Variants in PTCH1 observed in about 807,000 individuals in gnomAD.
The protein encoded by PTCH1 is patched 1.
A neutral mutation model predicts 144.6 loss-of-function variants in PTCH1; 14 were observed. That is an observed-to-expected ratio of 0.10 (90% CI 0.06 to 0.15). PTCH1 has a LOEUF of 0.15. Among genes scored for constraint, PTCH1 ranks in the 10% least tolerant of loss-of-function variants. The pLI, the probability that PTCH1 is intolerant of heterozygous loss-of-function variation, is 1.00. For missense variants in PTCH1, 1,623 were observed against 1,948.3 expected (o/e 0.83, Z 3.14); for synonymous variants, 833 against 793.6 (o/e 1.05, Z -0.83).
At chr9:95,448,142 C>T (rs1038381764) in intron 22 of PTCH1, among the ~76,000 whole-genome samples, 2 of 152,288 alleles carry the variant, frequency 1.3e-5, no homozygotes, top group African/African-American at 2.4e-5. Flanking sequence ...TCAAAAGGAC[C>T]GTGACCAACT....
At position 95,504,244 on chromosome 9, in the gene PTCH1, T is replaced by C. The variant is rs190216066; in HGVS notation, c.394+2163A>G. The stretch of plus-strand genomic sequence containing the variant: ...GCAAAGTGAGTGTGCCCCTCAGAAG[T>C]GTCCTCATCCAGTCCATTGAAAAAG... On this transcript the variant is annotated intron_variant, in intron 2 of 23. Coordinates refer to ENST00000331920, the MANE Select transcript of PTCH1 (RefSeq NM_000264.5). Among the ~76,000 whole-genome samples the C allele has an allele frequency of 1.5e-3, 233 of 152,088 alleles. 1 individual carries two copies. Among genetic ancestry groups the C allele is most frequent in the Non-Finnish European group, 2.6e-3 (177 of 67,976 alleles).
At chr9:95,498,136 CAT>C (rs1240520120) in intron 2 of PTCH1, among the ~76,000 whole-genome samples, 9 of 152,304 alleles carry the variant, frequency 5.9e-5, no homozygotes, top group East Asian at 3.9e-4. Context: ...TACTTTTATA[CAT>C]GTCTCATTAA....
intron 22 of PTCH1, among the ~76,000 whole-genome samples, chr9:95,448,325 T>C (rs1322054728): frequency 2.0e-5 from 3 of 152,294 alleles, no homozygotes; most frequent in Non-Finnish European, 2.9e-5. Flanking sequence ...GGAATACCCA[T>C]TTCCTGGAGG....
rs559827048 is a variant in PTCH1 at position 95,449,239 on chromosome 9, C to T, written c.3634G>A (p.Gly1212Ser). ...GAATCAGACCCGCTGTGCGTGTGGC[C>T]GGGCGGCATGGCGAAGCGGACCACG... is the stretch of plus-strand genomic sequence containing the variant. ...PSVVRFAMPPGHTHSGSDSSD... is the reference protein window; with the variant it reads ...PSVVRFAMPPSHTHSGSDSSD... The change falls in exon 22 of 24, where the codon GGC becomes AGC. Residue 1212 changes from glycine (G) to serine (S), a missense_variant. Gly to Ser is a moderately conservative substitution (Grantham distance 56, BLOSUM62 0). This residue lies in a region of PTCH1 where 504 missense variants were observed against 679.3 expected (regional missense o/e 0.74). Transcript: ENST00000331920. This position sits in a 1 kb window ranked among gnomAD's most constrained non-coding sequence, Gnocchi z 5.3. The T allele has an allele frequency of 1.2e-4, 191 of 1,584,884 alleles. 2 individuals are homozygous for T. In the South Asian group the frequency reaches 1.4e-3, roughly 12 times the overall value.
chr9:95,505,146 C>G (rs952974470), intron 2 of PTCH1, among the ~76,000 whole-genome samples: 2 of 152,172 alleles, frequency 1.3e-5, no homozygotes, highest in Non-Finnish European at 1.5e-5. Flanking sequence ...CCCAGGCTTG[C>G]AAAACTCTGC....
intron 7 of PTCH1, 150 bp from the exon 8 acceptor site, chr9:95,479,297 T>C: frequency 2.0e-6 from 2 of 1,021,994 alleles, no homozygotes; most frequent in East Asian, 2.5e-5. Flanking sequence ...GGGACCAGGA[T>C]GGTTATTTTA....
chr9:95,465,200 C>T (rs1454634295), intron 15 of PTCH1, among the ~76,000 whole-genome samples: 1 of 152,220 alleles, frequency 6.6e-6, no homozygotes, highest in African/African-American at 2.4e-5. Flanking sequence ...GACAATCCCC[C>T]TTTACCCCCT....
At chr9:95,469,589 A>C (rs1840373974) in intron 13 of PTCH1, among the ~76,000 whole-genome samples, 1 of 152,212 alleles carries the variant, frequency 6.6e-6, no homozygotes, top group South Asian at 2.1e-4. Flanking sequence ...CGGAACCAGC[A>C]TCTTGAGGGC....
rs552925002 is a variant in PTCH1, at chr9:95,508,082, T to A, written c.201+79A>T. The A allele has an allele frequency of 4.4e-6, 7 of 1,594,564 alleles. No homozygotes were observed. The African/African-American group carries it at 9.4e-5, about 21-fold the overall frequency. ...GTGAGAGAGAGAGGAAGAGAGTGTG[T>A]GTGTTTGTGTGTGGCGGGGGCGATC... On this transcript the variant is annotated intron_variant, in intron 1 of 23. Transcript: ENST00000331920.
chr9:95,486,345 A>G (rs559175162), intron 2 of PTCH1, among the ~76,000 whole-genome samples: 6 of 152,392 alleles, frequency 3.9e-5, no homozygotes, highest in Admixed American at 1.3e-4. Context: ...GAAACAAGGA[A>G]AGGTGGCCAG....
At chr9:95,506,293 G>C in intron 2 of PTCH1, 114 bp downstream of exon 2, 1 of 1,243,136 alleles carries the variant, frequency 8.0e-7, no homozygotes, top group Non-Finnish European at 1.1e-6. Context: ...CCCGGGTGCG[G>C]GCAGGGGGTT....
chr9:95,475,747 C>G (rs1407472581), intron 12 of PTCH1, among the ~76,000 whole-genome samples: 2 of 152,038 alleles, frequency 1.3e-5, no homozygotes, highest in Non-Finnish European at 2.9e-5. Context: ...TGGAGTAGCC[C>G]CGAAAGCCAT....
At chr9:95,489,756 G>C (rs962255858) in intron 2 of PTCH1, among the ~76,000 whole-genome samples, 2 of 151,708 alleles carry the variant, frequency 1.3e-5, no homozygotes, top group Admixed American at 1.3e-4. Context: ...GTAGGCATAG[G>C]GAACCAAGTT....
At chr9:95,463,938 A>G (rs1839769808) in intron 15 of PTCH1, among the ~76,000 whole-genome samples, 1 of 152,238 alleles carries the variant, frequency 6.6e-6, no homozygotes, top group Non-Finnish European at 1.5e-5. Flanking sequence ...GTTCAACTCC[A>G]GCATCAATAA....
chr9:95,507,899 T>G, intron 1 of PTCH1: 4 of 1,290,884 alleles, frequency 3.1e-6, no homozygotes, highest in East Asian at 3.3e-5. Flanking sequence ...AGGGAGGGCG[T>G]GTGTATACAC....
intron 15 of PTCH1, among the ~76,000 whole-genome samples, chr9:95,463,179 T>C (rs1291097838): frequency 6.6e-6 from 1 of 151,796 alleles, no homozygotes; most frequent in African/African-American, 2.4e-5. Context: ...TCAAAAAAAA[T>C]CTGGTTGCGT....
intron 18 of PTCH1, among the ~76,000 whole-genome samples, chr9:95,456,873 G>T (rs999661977): frequency 3.9e-5 from 6 of 152,276 alleles, no homozygotes; most frequent in Non-Finnish European, 8.8e-5. Context: ...TCTAAAGAAA[G>T]CTGATAGGAC....
At chr9:95,475,913 A>C (rs1793521361) in intron 12 of PTCH1, 121 bp downstream of exon 12, 1 of 1,472,232 alleles carries the variant, frequency 6.8e-7, no homozygotes, top group African/African-American at 1.4e-5. Context: ...AGCCTCAAAC[A>C]CAGGCATTTC....
intron 1 of PTCH1, chr9:95,507,901 T>G: frequency 3.8e-6 from 5 of 1,300,906 alleles, no homozygotes; most frequent in Non-Finnish European, 4.9e-6. Flanking sequence ...GGAGGGCGTG[T>G]GTATACACAC....
Sources: gnomAD v4.1 joint callset for allele counts (sites outside exome capture counted in the v4.1 genomes callset) on GRCh38, gnomAD v4.1.1 for gene constraint, gnomAD v4.1.1 regional missense constraint, Gnocchi (gnomAD v3.1) non-coding constraint, MANE v1.5 for transcripts, NCBI Gene and HGNC (gene_info 2026-07-23, HGNC 2026-07-21) for gene names.